DST: variants seen among roughly 807,000 people sequenced by gnomAD.
The protein encoded by DST is dystonin.
In DST, 253 loss-of-function variants were observed where a neutral mutation model predicts 875.2. The observed-to-expected ratio is 0.29, with a 90% CI of 0.26 to 0.32. DST has a LOEUF of 0.32. Among genes scored for constraint, DST ranks in the 10% least tolerant of loss-of-function variants. The pLI is 1.00. For missense variants in DST, 8,287 were observed against 9,111.6 expected, an observed-to-expected ratio of 0.91 and a Z score of 3.68; for synonymous variants, 3,124 against 3,197.1, an observed-to-expected ratio of 0.98 and a Z score of 0.77.
chr6:56,691,545 A>G (rs2099229650), intron 9 of DST, among the ~76,000 whole-genome samples: 1 of 152,204 alleles, frequency 6.6e-6, no homozygotes, highest in Admixed American at 6.6e-5. Flanking sequence ...TTTTTTATTA[A>G]AAGATAAAGT....
At chr6:56,621,759 A>T (rs2098692374) in intron 36 of DST, among the ~76,000 whole-genome samples, 1 of 152,212 alleles carries the variant, frequency 6.6e-6, no homozygotes, top group Admixed American at 6.5e-5. Context: ...GTTTTGTATC[A>T]TCAACTCAAG....
intron 4 of DST, among the ~76,000 whole-genome samples, chr6:56,761,797 C>A (rs889353918): frequency 1.3e-5 from 2 of 152,160 alleles, no homozygotes; most frequent in Non-Finnish European, 2.9e-5. Flanking sequence ...TCACTTGATA[C>A]TTCAAGTCAA....
Position 56,493,899 on chromosome 6 carries a change from A to T in DST, c.20394+111T>A, listed in dbSNP as rs539935064. 5 of 819,876 alleles carry T rather than the reference A, an allele frequency of 6.1e-6. No individual in the cohort carries two copies. In the East Asian group the frequency reaches 1.4e-4, roughly 24 times the overall value. 50.8% of individuals were successfully genotyped at this position (819,876 alleles called of 1,614,324 possible). On this transcript the variant is annotated intron_variant, in intron 83 of 103. Coordinates refer to ENST00000680361, the MANE Select transcript of DST (RefSeq NM_001374736.1). ...CCAAATATATACAAAAAATGTTTAA[A>T]CATAAATCATTGAAAGTTCTACTCC...
chr6:56,553,115 T>C lies in DST; in HGVS notation c.15677A>G (p.Asn5226Ser). 1.9e-6 allele frequency: 3 copies of C among 1,614,012 alleles called. No individual in the cohort carries two copies. Among genetic ancestry groups the C allele is most frequent in the Non-Finnish European group, 2.5e-6 (3 of 1,179,900 alleles). ...DQHFGMVELLNNTANSLLSVC... is the reference protein window; with the variant it reads ...DQHFGMVELLSNTANSLLSVC... ...ACTGAGCAAGCTATTGGCTGTGTTG[T>C]TCAGTAATTCTACCATACCAAAGTG... The change falls in exon 61 of 104, where the codon AAC becomes AGC. Residue 5226 changes from asparagine to serine, a missense_variant. By Grantham distance (46) the Asn-to-Ser change is conservative (BLOSUM62 1). Around this residue, in one of 10 missense-constraint regions of DST, gnomAD observed 1,513 missense variants for 1,677.8 expected, o/e 0.90. Transcript: ENST00000680361.
In DST at chr6:56,844,227, G is replaced by A. The variant is rs976498561; in HGVS notation, c.625+7170C>T. Among the ~76,000 whole-genome samples the A allele has an allele frequency of 7.4e-4, 113 of 152,288 alleles. 1 individual carries two copies. The highest frequency in any genetic ancestry group is 2.6e-3 in the African/African-American group (106 of 41,568). The stretch of plus-strand genomic sequence containing the variant: ...CAGGGTGAGGAGGCCTCTGCAGGTG[G>A]CCCCGCGCATCAGCGCCTGACAGCC... On this transcript the variant is annotated intron_variant, in intron 4 of 103. Transcript: ENST00000680361.
rs569839878 is a variant in DST, at chr6:56,898,067, G to A, written c.417+2354C>T. On this transcript the variant is annotated intron_variant, in intron 3 of 103. Transcript: ENST00000680361. ...TAGTGCCTTCATTAAACTCTCTTCAGTTAAATCCTCTTAGTGTGCTGTTTC... is the reference window on the plus strand; with the variant it reads ...TAGTGCCTTCATTAAACTCTCTTCAATTAAATCCTCTTAGTGTGCTGTTTC... Among the ~76,000 whole-genome samples the A allele has an allele frequency of 3.3e-5, 5 of 152,322 alleles. No individual in the cohort carries two copies. In the East Asian group the frequency reaches 9.6e-4, roughly 29 times the overall value.
intron 10 of DST, among the ~76,000 whole-genome samples, chr6:56,652,543 C>T (rs113373495): frequency 0.016 from 2,507 of 152,220 alleles, 62 homozygotes; most frequent in African/African-American, 0.057. Context: ...AAATGAAATG[C>T]AGATTATTTT....
At chr6:56,929,416 A>T (rs1203104193) in intron 2 of DST, among the ~76,000 whole-genome samples, 1 of 152,184 alleles carries the variant, frequency 6.6e-6, no homozygotes, top group Non-Finnish European at 1.5e-5. Context: ...GCTCTTCAAG[A>T]TACATTGAGT....
At chr6:56,465,232 A>G (rs2094522572) in intron 99 of DST, among the ~76,000 whole-genome samples, 1 of 152,222 alleles carries the variant, frequency 6.6e-6, no homozygotes, top group Non-Finnish European at 1.5e-5. Context: ...CAAAACCAAG[A>G]GGCCCTACAG....
At chr6:56,861,348 A>G (rs1591795154) in intron 3 of DST, among the ~76,000 whole-genome samples, 2 of 152,158 alleles carry the variant, frequency 1.3e-5, no homozygotes, top group Admixed American at 6.5e-5. Flanking sequence ...GCTGCACCCA[A>G]TCGGAACCAG....
chr6:56,652,050 G>A (rs776480485), intron 10 of DST, among the ~76,000 whole-genome samples: 2 of 152,154 alleles, frequency 1.3e-5, no homozygotes, highest in African/African-American at 2.4e-5. Flanking sequence ...ATAAATGAAT[G>A]TCTATAATAA....
chr6:56,562,075 T>C, intron 56 of DST, 63 bp downstream of exon 56: 3 of 1,099,496 alleles, frequency 2.7e-6, no homozygotes, highest in Non-Finnish European at 3.9e-6. Context: ...GCCTCTAAGA[T>C]TTTCTCTTAT....
In DST at chr6:56,634,632, G is replaced by A. The variant is rs750181755; in HGVS notation, c.3340-16C>T. 6.2e-7 allele frequency: 1 copy of A among 1,613,956 alleles called. No homozygotes were observed. Among genetic ancestry groups the A allele is most frequent in the Non-Finnish European group, 8.5e-7 (1 of 1,179,902 alleles). ...AAATGGTTATCTGGTTTAAAATAAA[G>A]AGCAGAATAACTCAATGAGGTCACT... On this transcript the variant is annotated splice_polypyrimidine_tract_variant and intron_variant, in intron 25 of 103. Transcript: ENST00000680361.
chr6:56,639,724 C>T lies in DST; in HGVS notation c.2669G>A (p.Arg890Lys). 1 of 1,613,390 alleles carries T rather than the reference C, an allele frequency of 6.2e-7. No individual in the cohort carries two copies. Among genetic ancestry groups the T allele is most frequent in the Non-Finnish European group, 8.5e-7 (1 of 1,179,800 alleles). Reference sequence around the variant, plus strand: ...GAGTTTTGCATACTGACTCTCTAATCTGTGCAACTTTTCTGCATAAGTCAG... The same window carrying T: ...GAGTTTTGCATACTGACTCTCTAATTTGTGCAACTTTTCTGCATAAGTCAG... The part of the protein sequence containing the change: ...LKLTYAEKLH[R>K]LESQYAKLLN... Residue 890 changes from arginine to lysine, a missense_variant, in exon 20 of 104, where the codon AGA becomes AAA. Arg to Lys is a conservative substitution (Grantham distance 26, BLOSUM62 2). Around this residue, in one of 10 missense-constraint regions of DST, gnomAD observed 1,160 missense variants for 1,424.3 expected, o/e 0.81. Transcript: ENST00000680361.
chr6:56,710,449 C>T (rs1029279259), intron 5 of DST, among the ~76,000 whole-genome samples: 1 of 152,072 alleles, frequency 6.6e-6, no homozygotes, highest in East Asian at 1.9e-4. Flanking sequence ...AACTGGGTGA[C>T]GAGAAGAAGG....
chr6:56,707,587 G>A (rs1282287419), intron 5 of DST, among the ~76,000 whole-genome samples: 1 of 152,068 alleles, frequency 6.6e-6, no homozygotes, highest in East Asian at 1.9e-4. Context: ...TGTGCTCTCT[G>A]GTCCACTATG....
chr6:56,465,802 T>C (rs1316651804), intron 99 of DST, among the ~76,000 whole-genome samples: 1 of 149,058 alleles, frequency 6.7e-6, no homozygotes, highest in East Asian at 2.0e-4. Flanking sequence ...AAATCGTAGA[T>C]GTAAAAGTCT....
chr6:56,721,111 C>G (rs1418176805), intron 5 of DST, among the ~76,000 whole-genome samples: 2 of 151,482 alleles, frequency 1.3e-5, no homozygotes, highest in Admixed American at 6.6e-5. Flanking sequence ...GGGGCGCCCC[C>G]CCACCTCCCA....
rs567433538 is a variant in DST at position 56,916,970 on chromosome 6, T to C, written c.217-16349A>G. ...AATGGATGCTTGCCAAGACTCGCCA[T>C]CAAGCCCCAGGCATGCTAAAAAAAA... On this transcript the variant is annotated intron_variant, in intron 2 of 103. Coordinates refer to ENST00000680361, the MANE Select transcript of DST (RefSeq NM_001374736.1). 4.4e-5 allele frequency among the ~76,000 whole-genome samples: 5 copies of C among 114,118 alleles called. No homozygotes were observed. In the South Asian group the frequency reaches 1.3e-3, roughly 30 times the overall value. 74.9% of individuals were successfully genotyped at this position (114,118 alleles called of 152,430 possible).
Sources: gnomAD v4.1 joint callset for allele counts (sites outside exome capture counted in the v4.1 genomes callset) on GRCh38, gnomAD v4.1.1 for gene constraint, gnomAD v4.1.1 regional missense constraint, MANE v1.5 for transcripts, NCBI Gene and HGNC (gene_info 2026-07-23, HGNC 2026-07-21) for gene names.